The following PRKN variants were observed in gnomAD, a reference collection of about 807,000 sequenced individuals.
PRKN encodes parkin RBR E3 ubiquitin protein ligase, also known as E3 ubiquitin-protein ligase parkin.
A neutral mutation model predicts 59.5 loss-of-function variants in PRKN; 56 were observed. The observed-to-expected ratio is 0.94, with a 90% confidence interval of 0.76 to 1.18. PRKN has a LOEUF of 1.18. Ranked by LOEUF, PRKN falls within the 50% of genes most tolerant of loss-of-function variation. The pLI is 0.00. For synonymous variants in PRKN, 250 were observed against 222.1 expected (o/e 1.13, Z -1.12); for missense variants, 657 against 596.4 (o/e 1.10, Z -1.06).
intron 9 of PRKN, among the ~76,000 whole-genome samples, chr6:161,469,547 A>AG (rs1790667372): frequency 6.8e-5 from 8 of 117,910 alleles, no homozygotes; most frequent in African/African-American, 3.2e-4. Flanking sequence ...GAACAAGAGA[A>AG]AGAGAGAGAG....
intron 1 of PRKN, among the ~76,000 whole-genome samples, chr6:162,719,550 A>AG (rs1182529173): frequency 6.6e-6 from 1 of 151,694 alleles, no homozygotes; most frequent in Non-Finnish European, 1.5e-5. Flanking sequence ...ATGGAAAAAA[A>AG]AAATTGTAAT....
rs918402744 is a variant in PRKN, at chr6:161,559,756, C to T, written c.933+9599G>A. ...TGTCTGGAAGTTTTGTGTAAGGCTA[C>T]GGGTGGGGCAGTGAAATGGGTTAGC... On this transcript the variant is annotated intron_variant, in intron 8 of 11. Coordinates refer to ENST00000366898, the MANE Select transcript of PRKN (RefSeq NM_004562.3). Among the ~76,000 whole-genome samples the T allele has an allele frequency of 1.1e-4, 16 of 152,218 alleles. No homozygotes were observed. In the East Asian group the frequency reaches 1.5e-3, roughly 15 times the overall value.
At chr6:162,041,493 A>AT (rs1423932141) in intron 5 of PRKN, among the ~76,000 whole-genome samples, 4 of 152,048 alleles carry the variant, frequency 2.6e-5, no homozygotes, top group African/African-American at 7.2e-5. Context: ...GGCCCCACCC[A>AT]TTCCCCCACC....
chr6:162,488,291 A>G (rs1193750393), intron 1 of PRKN, among the ~76,000 whole-genome samples: 1 of 152,172 alleles, frequency 6.6e-6, no homozygotes, highest in Admixed American at 6.5e-5. Context: ...CAAATTAAGG[A>G]AACGCCCCTA....
chr6:161,767,575 G>A (rs564096600), intron 7 of PRKN, among the ~76,000 whole-genome samples: 149 of 151,610 alleles, frequency 9.8e-4, no homozygotes, highest in South Asian at 2.1e-3. Context: ...CCGAAGCAAA[G>A]CTGCAAGCAT....
intron 1 of PRKN, among the ~76,000 whole-genome samples, chr6:162,487,330 T>C (rs1283044311): frequency 6.6e-6 from 1 of 152,112 alleles, no homozygotes; most frequent in African/African-American, 2.4e-5. Context: ...TGTATAGAGA[T>C]AGAAACACCA....
chr6:162,418,639 T>TGTGTGTGTGTGTGTGTGA (rs1788776182), intron 2 of PRKN, among the ~76,000 whole-genome samples: 1 of 150,208 alleles, frequency 6.7e-6, no homozygotes, highest in Admixed American at 6.6e-5. Flanking sequence ...TGTGTGTGTG[T>TGTGTGTGTGTGTGTGTGA]GTGTGTGTGT....
At position 161,352,755 on chromosome 6, in the gene PRKN, G is replaced by GTGTA. The variant is rs766949960; in HGVS notation, c.1286-2545_1286-2544insTACA. On this transcript the variant is annotated intron_variant, in intron 11 of 11. Transcript: ENST00000366898. This position sits in a 1 kb window ranked among gnomAD's most constrained non-coding sequence, Gnocchi z 5.8. The stretch of plus-strand genomic sequence containing the variant: ...TGTGTGTGTGTGTGTGTGTGTGTGT[G>GTGTA]TATATATATATATATATTTTATTTT... Among the ~76,000 whole-genome samples, 85 of 134,362 alleles carry GTGTA rather than the reference G, an allele frequency of 6.3e-4. No individual in the cohort carries two copies. The highest frequency in any genetic ancestry group is 9.4e-4 in the Non-Finnish European group (59 of 62,890). 88.1% of individuals were successfully genotyped at this position (134,362 alleles called of 152,430 possible).
intron 6 of PRKN, among the ~76,000 whole-genome samples, chr6:161,810,950 C>T (rs1485807826): frequency 1.3e-5 from 2 of 151,872 alleles, no homozygotes; most frequent in Non-Finnish European, 2.9e-5. Flanking sequence ...GGCAGGGGTT[C>T]GTCTGATGGG....
chr6:161,693,377 G>A (rs1468738957), intron 7 of PRKN, among the ~76,000 whole-genome samples: 1 of 152,142 alleles, frequency 6.6e-6, no homozygotes, highest in Admixed American at 6.6e-5. Context: ...GAAAATGTAT[G>A]TGACTTAGTC....
In PRKN at chr6:161,533,141, C is replaced by A. The variant is rs951018404; in HGVS notation, c.1083+15713G>T. Reference sequence around the variant, plus strand: ...GTTATGAATTCAATTTCTAAATAATCTCTAAAATAAAAGAATGATCTAAAT... The same window carrying A: ...GTTATGAATTCAATTTCTAAATAATATCTAAAATAAAAGAATGATCTAAAT... On this transcript the variant is annotated intron_variant, in intron 9 of 11. Coordinates refer to ENST00000366898, the MANE Select transcript of PRKN (RefSeq NM_004562.3). The surrounding 1 kb of genome is among the most constrained non-coding windows in gnomAD (Gnocchi z 4.1). 1.3e-5 allele frequency among the ~76,000 whole-genome samples: 2 copies of A among 151,978 alleles called. No individual in the cohort carries two copies. The highest frequency in any genetic ancestry group is 4.1e-4 in the South Asian group (2 of 4,832).
chr6:162,716,762 G>A (rs1043132053), intron 1 of PRKN, among the ~76,000 whole-genome samples: 4 of 142,002 alleles, frequency 2.8e-5, no homozygotes, highest in East Asian at 2.0e-4. Context: ...CCGCCTGCGC[G>A]CGCGCGCACG....
At chr6:162,504,344 G>A (rs111874950) in intron 1 of PRKN, among the ~76,000 whole-genome samples, 35 of 152,296 alleles carry the variant, frequency 2.3e-4, no homozygotes, top group African/African-American at 8.2e-4. Context: ...AGACACACTT[G>A]GAAAAGGGGT....
intron 1 of PRKN, among the ~76,000 whole-genome samples, chr6:162,482,838 C>T (rs1792367924): frequency 1.3e-5 from 2 of 152,148 alleles, no homozygotes; most frequent in Admixed American, 1.3e-4. Flanking sequence ...GTCCAATCTA[C>T]CTTCCAACGT....
At chr6:161,505,661 C>T (rs1398370370) in intron 9 of PRKN, among the ~76,000 whole-genome samples, 2 of 147,300 alleles carry the variant, frequency 1.4e-5, no homozygotes, top group African/African-American at 5.1e-5. Context: ...GGTTTTAGGT[C>T]TAACGTTTAA....
chr6:162,223,737 T>C (rs894623938), intron 3 of PRKN, among the ~76,000 whole-genome samples: 2 of 152,122 alleles, frequency 1.3e-5, no homozygotes, highest in South Asian at 2.1e-4. Flanking sequence ...TGTATCTCTT[T>C]CTTATGTCCT....
chr6:161,779,440 CTTTTTTTTT>C (rs10683923), intron 7 of PRKN, among the ~76,000 whole-genome samples: 2 of 41,848 alleles, frequency 4.8e-5, no homozygotes, highest in African/African-American at 1.0e-4. Context: ...CTTTTCTTTT[CTTTTTTTTT>C]TTTTTTTTTT....
At chr6:161,995,426 G>A (rs1422075196) in intron 5 of PRKN, among the ~76,000 whole-genome samples, 2 of 152,004 alleles carry the variant, frequency 1.3e-5, no homozygotes, top group Non-Finnish European at 2.9e-5. Context: ...ACTATATTAA[G>A]CAAAAATGCT....
intron 7 of PRKN, among the ~76,000 whole-genome samples, chr6:161,653,628 G>A (rs1045253343): frequency 2.6e-5 from 4 of 152,148 alleles, no homozygotes; most frequent in African/African-American, 4.8e-5. Flanking sequence ...GGAATAACTA[G>A]TTCATACTTC....
Sources: gnomAD v4.1 joint callset for allele counts (sites outside exome capture counted in the v4.1 genomes callset) on GRCh38, gnomAD v4.1.1 for gene constraint, Gnocchi (gnomAD v3.1) non-coding constraint, MANE v1.5 for transcripts, NCBI Gene and HGNC (gene_info 2026-07-23, HGNC 2026-07-21) for gene names.